The following DPH6 variants were observed in gnomAD, a reference collection of about 807,000 sequenced individuals.
The protein encoded by DPH6 is diphthamine biosynthesis 6.
Under a neutral mutation model 38.2 loss-of-function variants are expected in DPH6, and 33 were observed. That is an observed-to-expected ratio of 0.86 (90% CI 0.65 to 1.15). DPH6 has a LOEUF of 1.15. Among genes scored for constraint, DPH6 ranks in the 50% most tolerant of loss-of-function variants. The pLI is 0.00. For synonymous variants in DPH6, 108 were observed against 103.0 expected (o/e 1.05, Z -0.30); for missense variants, 325 against 320.0 (o/e 1.02, Z -0.12).
At chr15:35,402,446 A>T (rs528453976) in intron 6 of DPH6, among the ~76,000 whole-genome samples, 1 of 152,308 alleles carries the variant, frequency 6.6e-6, no homozygotes, top group East Asian at 1.9e-4. Context: ...ATCATCCATT[A>T]TCATGTATAA....
intron 3 of DPH6, among the ~76,000 whole-genome samples, chr15:35,325,532 T>C (rs1361476563): frequency 6.6e-6 from 1 of 152,128 alleles, no homozygotes; most frequent in Non-Finnish European, 1.5e-5. Context: ...GCGGAAAACA[T>C]AAAAGCTAAA....
In DPH6 at chr15:35,441,958, C is replaced by T. The variant is rs529729170; in HGVS notation, c.505+8727G>A. Among the ~76,000 whole-genome samples the T allele has an allele frequency of 2.1e-4, 32 of 151,852 alleles. No individual in the cohort carries two copies. The East Asian group carries it at 2.1e-3, about 10-fold the overall frequency. On this transcript the variant is annotated intron_variant, in intron 5 of 8. Transcript: ENST00000256538. The stretch of plus-strand genomic sequence containing the variant: ...TAGAAGAAAACATAGGAGTAAATCT[C>T]GTGACATCAAGTTAGGCAATGATTT...
intron 3 of DPH6, among the ~76,000 whole-genome samples, chr15:35,498,071 T>G (rs1403745954): frequency 6.6e-6 from 1 of 152,214 alleles, no homozygotes; most frequent in East Asian, 1.9e-4. Context: ...CAGACTATTA[T>G]GCACAGCACT....
At position 35,546,149 on chromosome 15, in the gene DPH6, G is replaced by A. The variant is rs1413149950; in HGVS notation, c.-8C>T. 8.6e-6 allele frequency: 12 copies of A among 1,395,546 alleles called. No homozygotes were observed. The highest frequency in any genetic ancestry group is 1.9e-4 in the Middle Eastern group (1 of 5,326). The allele number at this position is 1,395,546 out of a possible 1,614,324, so 86.4% of individuals were successfully genotyped here. ...CAGAGCCGCGACCCTCATGCTGGGC[G>A]CAGTGCGCGTGCGTGCGGCGAGCGC... On this transcript the variant is annotated 5_prime_UTR_variant, in exon 1 of 9. Transcript: ENST00000256538.
chr15:35,283,756 G>GCACACACA (rs757887783), intron 3 of DPH6, among the ~76,000 whole-genome samples: 3 of 123,652 alleles, frequency 2.4e-5, no homozygotes, highest in East Asian at 2.4e-4. Flanking sequence ...GGCACAGATA[G>GCACACACA]TACACACACA....
At chr15:35,415,322 T>A (rs113704746) in intron 5 of DPH6, among the ~76,000 whole-genome samples, 14 of 151,872 alleles carry the variant, frequency 9.2e-5, no homozygotes, top group Admixed American at 6.6e-4. Flanking sequence ...AAGTCTCCCA[T>A]GATTGAATTT....
intron 3 of DPH6, among the ~76,000 whole-genome samples, chr15:35,522,786 C>T (rs1342026085): frequency 6.7e-6 from 1 of 149,532 alleles, no homozygotes; most frequent in African/African-American, 2.5e-5. Context: ...TTAATTCTGC[C>T]CACAGACTTA....
intron 4 of DPH6, among the ~76,000 whole-genome samples, chr15:35,451,525 C>T (rs1392151485): frequency 1.3e-5 from 2 of 152,122 alleles, no homozygotes; most frequent in African/African-American, 2.4e-5. Context: ...TGAAATCATC[C>T]TTTCCTTTTC....
rs190065541 is a variant in DPH6 at position 35,313,127 on chromosome 15, G to C, written n.200+60394C>G. The stretch of plus-strand genomic sequence containing the variant: ...AGGTGCCTGTAATCCCAGCTACTTG[G>C]AAGGCTGAGGCAGGAGAATGGCTTG... On this transcript the variant is annotated intron_variant and non_coding_transcript_variant, in intron 3 of 3. Transcript: ENST00000560386. 1.5e-3 allele frequency among the ~76,000 whole-genome samples: 231 copies of C among 152,212 alleles called. 2 individuals are homozygous for C. The highest frequency in any genetic ancestry group is 4.4e-4 in the Non-Finnish European group (30 of 68,002).
At chr15:35,522,389 T>C (rs2054935271) in intron 3 of DPH6, 4 of 1,088,432 alleles carry the variant, frequency 3.7e-6, no homozygotes, top group Non-Finnish European at 5.2e-6. Flanking sequence ...TCTCTGCTTA[T>C]TCAGTATTAA....
chr15:35,167,437 T>C, the DPH6 span, among the ~76,000 whole-genome samples: 1 of 149,218 alleles, frequency 6.7e-6, no homozygotes, highest in African/African-American at 2.5e-5. Context: ...AACTTTCAAT[T>C]AAAAAAAAAA....
chr15:35,169,034 A>C, the DPH6 span, among the ~76,000 whole-genome samples: 16 of 152,180 alleles, frequency 1.1e-4, no homozygotes, highest in Non-Finnish European at 2.4e-4. Context: ...TGCTTTAAAC[A>C]AATTAAGTAT....
At chr15:35,296,804 C>CTTTTTTTTTTTTTTTTTTTTT (rs772132282) in intron 3 of DPH6, among the ~76,000 whole-genome samples, 4 of 127,330 alleles carry the variant, frequency 3.1e-5, no homozygotes, top group African/African-American at 3.5e-5. Flanking sequence ...GGCCTGGCTT[C>CTTTTTTTTTTTTTTTTTTTTT]TTTTTTTTTT....
intron 2 of DPH6, among the ~76,000 whole-genome samples, chr15:35,541,877 A>G (rs2055257878): frequency 1.3e-5 from 2 of 152,158 alleles, no homozygotes; most frequent in Admixed American, 1.3e-4. Flanking sequence ...TGCCCTTGTT[A>G]CTACAGACAA....
the DPH6 span, among the ~76,000 whole-genome samples, chr15:35,211,205 G>C: frequency 6.6e-6 from 1 of 152,036 alleles, no homozygotes; most frequent in African/African-American, 2.4e-5. Flanking sequence ...CCCGAATACA[G>C]AGTGGTGGTG....
chr15:35,206,229 G>T, the DPH6 span, among the ~76,000 whole-genome samples: 7 of 152,174 alleles, frequency 4.6e-5, no homozygotes, highest in Admixed American at 3.3e-4. Context: ...ATTTTGGAAT[G>T]ATGCCAAACA....
intron 5 of DPH6, 98 bp from the exon 6 acceptor site, chr15:35,410,994 T>A (rs2053359155): frequency 4.9e-6 from 5 of 1,025,402 alleles, no homozygotes; most frequent in Non-Finnish European, 7.0e-6. Flanking sequence ...AGAAAAGCAG[T>A]GTGTATATAT....
chr15:35,310,001 CT>C (rs950140021), intron 3 of DPH6, among the ~76,000 whole-genome samples: 18 of 151,982 alleles, frequency 1.2e-4, no homozygotes, highest in Non-Finnish European at 1.9e-4. Flanking sequence ...TAGAAGAAAA[CT>C]TTTTTTTCCC....
the DPH6 span, among the ~76,000 whole-genome samples, chr15:35,202,117 T>C: frequency 1.3e-5 from 2 of 151,864 alleles, no homozygotes; most frequent in Non-Finnish European, 3.0e-5. Flanking sequence ...AAATTACAGA[T>C]ATAATCTATC....
Sources: allele counts gnomAD v4.1 joint callset (sites outside exome capture counted in the v4.1 genomes callset), GRCh38; gene constraint gnomAD v4.1.1; transcripts MANE v1.5; gene names NCBI Gene and HGNC (gene_info 2026-07-23, HGNC 2026-07-21).